The following COL22A1 variants were observed in gnomAD, a reference collection of about 807,000 sequenced individuals.
COL22A1 encodes collagen alpha-1(XXII) chain.
A neutral mutation model predicts 248.9 loss-of-function variants in COL22A1; 221 were observed. That is an observed-to-expected ratio of 0.89 (90% CI 0.80 to 0.99). The LOEUF (loss-of-function observed/expected upper bound fraction) is 0.99. Ranked by LOEUF, COL22A1 falls within the 50% of genes least tolerant of loss-of-function variation. The pLI is 0.00. For synonymous variants in COL22A1, 891 were observed against 793.4 expected (o/e 1.12, Z -2.07); for missense variants, 2,240 against 2,179.0 (o/e 1.03, Z -0.56).
At position 138,604,871 on chromosome 8, in the gene COL22A1, C is replaced by A. The variant is rs755682883; in HGVS notation, c.4105-102G>T. On this transcript the variant is annotated intron_variant, in intron 58 of 64. Transcript: ENST00000303045. ...CATTTCCACTCAAGTCATGTTCCAG[C>A]AAAGACAACAATCGATGGTCTACCT... The A allele has an allele frequency of 2.9e-6, 3 of 1,024,066 alleles. No homozygotes were observed. The African/African-American group carries it at 4.6e-5, about 16-fold the overall frequency. The allele number at this position is 1,024,066 out of a possible 1,614,324, so 63.4% of individuals were successfully genotyped here.
chr8:138,748,529 C>T (rs899227730), intron 22 of COL22A1, among the ~76,000 whole-genome samples: 1 of 152,200 alleles, frequency 6.6e-6, no homozygotes, highest in African/African-American at 2.4e-5. Flanking sequence ...GCCTGTCCTT[C>T]ATCTGCAGAA....
intron 1 of COL22A1, among the ~76,000 whole-genome samples, chr8:138,896,155 T>A (rs1825400357): frequency 6.6e-6 from 1 of 152,140 alleles, no homozygotes; most frequent in Non-Finnish European, 1.5e-5. Flanking sequence ...GGAAGCTTCC[T>A]AAACAGAAAA....
chr8:138,776,114 G>A, intron 15 of COL22A1, 104 bp from the exon 16 acceptor site: 1 of 1,124,474 alleles, frequency 8.9e-7, no homozygotes, highest in Non-Finnish European at 1.4e-6. Flanking sequence ...TCCAGCCCAG[G>A]GTGGCAGGGA....
intron 1 of COL22A1, among the ~76,000 whole-genome samples, chr8:138,907,609 G>A (rs1815123382): frequency 6.6e-6 from 1 of 152,064 alleles, no homozygotes; most frequent in Non-Finnish European, 1.5e-5. Context: ...CATTGTCTTA[G>A]CCCACTGTCT....
chr8:138,881,413 T>C (rs767652575), intron 2 of COL22A1, among the ~76,000 whole-genome samples: 12 of 151,836 alleles, frequency 7.9e-5, no homozygotes, highest in Non-Finnish European at 1.0e-4. Flanking sequence ...TGGGTGGGTG[T>C]GGTGGCTCAT....
At chr8:138,907,550 T>C (rs2873684) in intron 1 of COL22A1, among the ~76,000 whole-genome samples, 88,493 of 152,112 alleles carry the variant, frequency 0.58, 26,108 homozygotes, top group Middle Eastern at 0.67. Context: ...ATTTATCCTA[T>C]CATCTATTTA....
chr8:138,666,434 A>G (rs924583758), intron 41 of COL22A1, among the ~76,000 whole-genome samples: 2 of 152,338 alleles, frequency 1.3e-5, no homozygotes, highest in Middle Eastern at 3.4e-3. Flanking sequence ...TTTCATTGCT[A>G]TAGATGGAGA....
At chr8:138,667,878 T>C (rs564506770) in intron 41 of COL22A1, among the ~76,000 whole-genome samples, 1 of 151,822 alleles carries the variant, frequency 6.6e-6, no homozygotes, top group African/African-American at 2.4e-5. Flanking sequence ...GCCAACAACA[T>C]CAAGCCAGAA....
At chr8:138,783,344 G>T (rs2131542993) in intron 12 of COL22A1, among the ~76,000 whole-genome samples, 1 of 152,000 alleles carries the variant, frequency 6.6e-6, no homozygotes, top group African/African-American at 2.4e-5. Flanking sequence ...AAGATCACAA[G>T]GTCCCACAAT....
intron 17 of COL22A1, among the ~76,000 whole-genome samples, chr8:138,760,816 C>G (rs1833417859): frequency 6.6e-6 from 1 of 152,168 alleles, no homozygotes. Flanking sequence ...TTCAATGTCC[C>G]TGCTGGGAAG....
chr8:138,899,543 A>T (rs984412851), intron 1 of COL22A1, among the ~76,000 whole-genome samples: 1 of 151,698 alleles, frequency 6.6e-6, no homozygotes, highest in African/African-American at 2.4e-5. Flanking sequence ...TTTTTTTTTG[A>T]GAGGGAGTCT....
In COL22A1 at chr8:138,802,870, A is replaced by G. The variant is rs1034390144; in HGVS notation, c.1557+2T>C. On this transcript the variant is annotated splice_donor_variant, in intron 11 of 64. Coordinates refer to ENST00000303045, the MANE Select transcript of COL22A1 (RefSeq NM_152888.3). LOFTEE classifies it high-confidence loss of function. ...CATGTAGAGGAGCAGCCATCTACTCACCACATCACCTTTCTCTCCCTTAGG... is the reference window on the plus strand; with the variant it reads ...CATGTAGAGGAGCAGCCATCTACTCGCCACATCACCTTTCTCTCCCTTAGG... 6 of 1,612,554 alleles carry G rather than the reference A, an allele frequency of 3.7e-6. No individual in the cohort carries two copies. In the African/African-American group the frequency reaches 8.0e-5, roughly 22 times the overall value.
chr8:138,604,032 C>T (rs1248190785), intron 59 of COL22A1, among the ~76,000 whole-genome samples: 1 of 152,170 alleles, frequency 6.6e-6, no homozygotes, highest in South Asian at 2.1e-4. Flanking sequence ...TGTGGGGGGT[C>T]TGCTTTGCTT....
chr8:138,805,601 TGGTGTGGGACGGTGTGTGAG>T (rs1408847389), intron 10 of COL22A1, among the ~76,000 whole-genome samples: 1 of 140,776 alleles, frequency 7.1e-6, no homozygotes, highest in African/African-American at 2.8e-5. Context: ...GTGTTTGTGA[TGGTGTGGGACGGTGTGTGAG>T]GGTGTGTGTG....
intron 23 of COL22A1, among the ~76,000 whole-genome samples, chr8:138,726,896 C>T (rs929219283): frequency 3.3e-5 from 5 of 152,206 alleles, no homozygotes; most frequent in Admixed American, 1.3e-4. Flanking sequence ...CACAAGAAGA[C>T]GTGTATGGTC....
chr8:138,779,546 AGCTCTCCTG>A lies in COL22A1; in HGVS notation c.1658_1666del (p.Pro553_Glu555del). 3 of 1,613,328 alleles carry A rather than the reference AGCTCTCCTG, an allele frequency of 1.9e-6. No individual in the cohort carries two copies. The highest frequency in any genetic ancestry group is 2.5e-6 in the Non-Finnish European group (3 of 1,179,314). ...CTCACCCGGCAGCCCCGGCTCTCCC[AGCTCTCCTG>A]GCTCCCCCTGAACAAACAAAACAAC... is the stretch of plus-strand genomic sequence containing the variant. On this transcript the variant is annotated inframe_deletion, in exon 14 of 65. Coordinates refer to ENST00000303045, the MANE Select transcript of COL22A1 (RefSeq NM_152888.3).
intron 1 of COL22A1, among the ~76,000 whole-genome samples, chr8:138,902,864 A>G (rs1814720915): frequency 6.6e-6 from 1 of 151,806 alleles, no homozygotes; most frequent in East Asian, 2.0e-4. Context: ...TTGTGAAGGC[A>G]CAGGACAGGA....
chr8:138,774,624 TA>T (rs1244254074), intron 16 of COL22A1, among the ~76,000 whole-genome samples: 1 of 152,028 alleles, frequency 6.6e-6, no homozygotes, highest in Non-Finnish European at 1.5e-5. Context: ...TTCACCGTGT[TA>T]AGCCAGGATG....
intron 23 of COL22A1, among the ~76,000 whole-genome samples, chr8:138,736,842 G>A (rs1312504398): frequency 1.3e-5 from 2 of 152,170 alleles, no homozygotes; most frequent in Non-Finnish European, 2.9e-5. Context: ...TACAGATGGG[G>A]AAACTGAGGC....
Sources: gnomAD v4.1 joint callset for allele counts (sites outside exome capture counted in the v4.1 genomes callset) on GRCh38, gnomAD v4.1.1 for gene constraint, MANE v1.5 for transcripts, NCBI Gene and HGNC (gene_info 2026-07-23, HGNC 2026-07-21) for gene names.